The following TCF12 variants were observed in gnomAD, a reference collection of about 807,000 sequenced individuals.
The protein encoded by TCF12 is DNA-binding protein HTF4.
Under a neutral mutation model 86.0 loss-of-function variants are expected in TCF12, and 45 were observed. That is an observed-to-expected ratio of 0.52 (90% CI 0.41 to 0.67). The LOEUF (loss-of-function observed/expected upper bound fraction) is 0.67, where lower values mean the gene tolerates loss of function less well. Among genes scored for constraint, TCF12 ranks in the 30% least tolerant of loss-of-function variants. TCF12 has a pLI of 0.00. For synonymous variants in TCF12, 330 were observed against 299.6 expected, an observed-to-expected ratio of 1.10 and a Z score of -1.05; for missense variants, 881 against 859.9, an observed-to-expected ratio of 1.02 and a Z score of -0.31.
At chr15:57,152,812 T>G (rs2053856158) in intron 5 of TCF12, among the ~76,000 whole-genome samples, 1 of 151,656 alleles carries the variant, frequency 6.6e-6, no homozygotes, top group Non-Finnish European at 1.5e-5. Flanking sequence ...ATGAAAGACA[T>G]CAAACCATAG....
intron 3 of TCF12, among the ~76,000 whole-genome samples, chr15:56,981,644 C>G (rs1256936042): frequency 6.6e-6 from 1 of 152,138 alleles, no homozygotes; most frequent in Admixed American, 6.6e-5. Context: ...CCCCACACAG[C>G]AAAATCTCTG....
intron 13 of TCF12, among the ~76,000 whole-genome samples, chr15:57,245,293 G>C (rs79317492): frequency 0.04 from 6,120 of 152,302 alleles, 373 homozygotes; most frequent in Admixed American, 0.17. Context: ...AGACACCAGG[G>C]CTTCAGCTGT....
rs540736706 is a variant in TCF12 at position 56,940,574 on chromosome 15, T to C, written c.148+19476T>C. Among the ~76,000 whole-genome samples, 33 of 149,756 alleles carry C rather than the reference T, an allele frequency of 2.2e-4. No individual in the cohort carries two copies. The Middle Eastern group carries it at 0.01, about 46-fold the overall frequency. On this transcript the variant is annotated intron_variant, in intron 3 of 20. Coordinates refer to ENST00000333725, the MANE Select transcript of TCF12 (RefSeq NM_207037.2). The stretch of plus-strand genomic sequence containing the variant: ...TTCCTTTTCCTCTTCCTCTTCTTCT[T>C]CTTCTCCTTCTCCTCCTCCTCCTCC...
intron 4 of TCF12, among the ~76,000 whole-genome samples, chr15:57,080,804 C>G (rs1480955351): frequency 6.6e-6 from 1 of 152,116 alleles, no homozygotes; most frequent in Non-Finnish European, 1.5e-5. Context: ...ATTGCCAAAT[C>G]ATTATCATAA....
chr15:57,255,990 A>G (rs1299829209), intron 16 of TCF12, among the ~76,000 whole-genome samples: 1 of 152,166 alleles, frequency 6.6e-6, no homozygotes, highest in Non-Finnish European at 1.5e-5. Context: ...ATCTGCCAGA[A>G]ATCATCTGCT....
At chr15:57,223,799 A>G (rs537716107) in intron 8 of TCF12, among the ~76,000 whole-genome samples, 5 of 151,764 alleles carry the variant, frequency 3.3e-5, no homozygotes, top group South Asian at 2.1e-4. Context: ...TTTCTGTTCT[A>G]TTGGGGTATT....
intron 4 of TCF12, chr15:57,072,593 T>G: frequency 8.7e-7 from 1 of 1,155,538 alleles, no homozygotes. Flanking sequence ...GGAGTTCAAA[T>G]ACAGTAATTA....
At chr15:57,057,593 C>G (rs2068130072) in intron 3 of TCF12, among the ~76,000 whole-genome samples, 1 of 152,034 alleles carries the variant, frequency 6.6e-6, no homozygotes, top group Non-Finnish European at 1.5e-5. Flanking sequence ...TTTATAGTAA[C>G]TATTAGAAGA....
At chr15:56,964,552 C>G (rs2061918569) in intron 3 of TCF12, among the ~76,000 whole-genome samples, 1 of 152,168 alleles carries the variant, frequency 6.6e-6, no homozygotes, top group Non-Finnish European at 1.5e-5. Context: ...CTAAACACTA[C>G]TCAAGTTTTA....
chr15:57,075,630 T>A (rs2069824187), intron 4 of TCF12, among the ~76,000 whole-genome samples: 1 of 152,004 alleles, frequency 6.6e-6, no homozygotes, highest in Non-Finnish European at 1.5e-5. Context: ...CAGGACATAT[T>A]GTATAGCAAG....
At chr15:57,082,386 A>G (rs563692265) in intron 4 of TCF12, among the ~76,000 whole-genome samples, 57 of 144,848 alleles carry the variant, frequency 3.9e-4, no homozygotes, top group Non-Finnish European at 7.4e-4. Context: ...ATTTTAATCT[A>G]TTGGTGCCTG....
chr15:57,177,083 T>C (rs2055968970), intron 6 of TCF12, among the ~76,000 whole-genome samples: 1 of 152,080 alleles, frequency 6.6e-6, no homozygotes, highest in African/African-American at 2.4e-5. Context: ...TGGCACACAG[T>C]AGGCATTGAG....
At chr15:57,029,365 CT>C (rs1344681715) in intron 3 of TCF12, among the ~76,000 whole-genome samples, 2 of 151,870 alleles carry the variant, frequency 1.3e-5, no homozygotes, top group Non-Finnish European at 2.9e-5. Context: ...CTTTGTTTTT[CT>C]TTTTAAAAAT....
intron 6 of TCF12, among the ~76,000 whole-genome samples, chr15:57,170,740 ATATAT>A (rs1567559459): frequency 0.013 from 455 of 35,750 alleles, 17 homozygotes; most frequent in African/African-American, 0.025. Flanking sequence ...TATATATAAT[ATATAT>A]TATATATTAT....
At chr15:57,220,906 G>C (rs915435218) in intron 8 of TCF12, among the ~76,000 whole-genome samples, 11 of 151,936 alleles carry the variant, frequency 7.2e-5, no homozygotes, top group Admixed American at 5.2e-4. Context: ...GGGGGGAGAG[G>C]GGAGCATTTT....
chr15:57,036,798 G>A (rs2141402329), intron 3 of TCF12, among the ~76,000 whole-genome samples: 3 of 152,098 alleles, frequency 2.0e-5, no homozygotes, highest in Middle Eastern at 6.8e-3. Flanking sequence ...TTTTCATGAT[G>A]TCCTGTTTTC....
chr15:57,265,060 T>G (rs2060787422), intron 18 of TCF12, among the ~76,000 whole-genome samples: 1 of 148,286 alleles, frequency 6.7e-6, no homozygotes, highest in Non-Finnish European at 1.5e-5. Context: ...AAGTATACTC[T>G]AATGATAAAT....
intron 3 of TCF12, among the ~76,000 whole-genome samples, chr15:57,019,092 G>C (rs1441416357): frequency 2.0e-5 from 3 of 152,186 alleles, no homozygotes; most frequent in African/African-American, 7.2e-5. Flanking sequence ...TGGTAGAAAA[G>C]AGTTTTTAGG....
At chr15:57,175,372 T>G (rs1475355263) in intron 6 of TCF12, among the ~76,000 whole-genome samples, 17 of 151,994 alleles carry the variant, frequency 1.1e-4, no homozygotes, top group Non-Finnish European at 1.0e-4. Context: ...AAAAAAGAAT[T>G]CCTACAACTC....
Sources: allele counts gnomAD v4.1 joint callset (sites outside exome capture counted in the v4.1 genomes callset), GRCh38; gene constraint gnomAD v4.1.1; transcripts MANE v1.5; gene names NCBI Gene and HGNC (gene_info 2026-07-23, HGNC 2026-07-21).